The following ZNF721 variants were observed in gnomAD, a reference collection of about 807,000 sequenced individuals.
The protein encoded by ZNF721 is zinc finger protein 721.
ZNF721 carries 2 observed loss-of-function variants against 2.4 expected under a neutral mutation model. That is an observed-to-expected ratio of 0.82 (90% CI 0.34 to 2.58). The LOEUF (loss-of-function observed/expected upper bound fraction) is 2.58, where lower values mean the gene tolerates loss of function less well. ZNF721 is among the 30% of genes most tolerant of loss of function. The pLI is 0.11. For missense variants in ZNF721, 1,187 were observed against 1,085.5 expected (o/e 1.09, Z -1.31); for synonymous variants, 398 against 381.8 (o/e 1.04, Z -0.50).
intron 1 of ZNF721, among the ~76,000 whole-genome samples, chr4:472,936 G>C (rs1285843612): frequency 1.3e-5 from 2 of 152,010 alleles, no homozygotes; most frequent in East Asian, 1.9e-4. Flanking sequence ...CCAAAACCAA[G>C]CAGAGTAGGC....
At chr4:485,609 T>A (rs75465824) in intron 1 of ZNF721, among the ~76,000 whole-genome samples, 5,768 of 152,326 alleles carry the variant, frequency 0.038, 179 homozygotes, top group Non-Finnish European at 0.054. Context: ...GATGTTGGTT[T>A]ACAGCAGACA....
At chr4:477,665 G>C (rs1464837823) in intron 1 of ZNF721, among the ~76,000 whole-genome samples, 1 of 152,028 alleles carries the variant, frequency 6.6e-6, no homozygotes, top group Non-Finnish European at 1.5e-5. Context: ...TTTAAAATGA[G>C]CAGAAAAAAG....
Position 495,861 on chromosome 4 carries a change from C to T in ZNF721, c.-94+3195G>A, listed in dbSNP as rs553881783. Among the ~76,000 whole-genome samples, 5 of 152,218 alleles carry T rather than the reference C, an allele frequency of 3.3e-5. No homozygotes were observed. In the South Asian group the frequency reaches 1.0e-3, roughly 32 times the overall value. ...TCATGATCTGCCCACCTCGGCCTCCCAAAATGCTGGGATTACAGGCGTGAG... is the reference window on the plus strand; with the variant it reads ...TCATGATCTGCCCACCTCGGCCTCCTAAAATGCTGGGATTACAGGCGTGAG... On this transcript the variant is annotated intron_variant, in intron 1 of 2. Transcript: ENST00000511833.
chr4:499,015 C>A, intron 1 of ZNF721, 41 bp downstream of exon 1: 1 of 391,576 alleles, frequency 2.6e-6, no homozygotes, highest in Non-Finnish European at 4.6e-6. Context: ...TGAGCCACTG[C>A]ACCCTGCCTT....
At chr4:489,039 C>T (rs1553871045) in intron 1 of ZNF721, among the ~76,000 whole-genome samples, 2 of 152,090 alleles carry the variant, frequency 1.3e-5, no homozygotes, top group African/African-American at 2.4e-5. Context: ...AAGGGACTGT[C>T]GCAACTTAGG....
Position 444,275 on chromosome 4 carries a change from T to C in ZNF721, c.192A>G (p.Gly64=), listed in dbSNP as rs782140635. The C allele has an allele frequency of 6.2e-7, 1 of 1,613,994 alleles. No individual in the cohort carries two copies. The highest frequency in any genetic ancestry group is 2.2e-5 in the East Asian group (1 of 44,866). ...KSMNVCKVQK[G]VYNGINKCLS... ...AGCATTTATTAATTCCATTATAAAC[T>C]CCCTTCTGCACTTTACACACGTTCA... Residue 64 remains glycine (G), a synonymous_variant, in exon 3 of 3, where the codon GGA becomes GGG. Coordinates refer to ENST00000511833, the MANE Select transcript of ZNF721 (RefSeq NM_133474.4).
At chr4:481,812 C>A (rs1421031201) in intron 1 of ZNF721, among the ~76,000 whole-genome samples, 16 of 152,194 alleles carry the variant, frequency 1.1e-4, no homozygotes. Context: ...AGACAAACAC[C>A]CAGAATCTGT....
At chr4:496,456 T>C (rs1231160792) in intron 1 of ZNF721, among the ~76,000 whole-genome samples, 1 of 152,138 alleles carries the variant, frequency 6.6e-6, no homozygotes, top group Non-Finnish European at 1.5e-5. Context: ...CTGCATGTCT[T>C]AGGCAGCATT....
chr4:442,821 C>A lies in ZNF721; in HGVS notation c.1646G>T (p.Arg549Ile). 3 of 1,613,706 alleles carry A rather than the reference C, an allele frequency of 1.9e-6. No individual in the cohort carries two copies. The highest frequency in any genetic ancestry group is 1.7e-4 in the Middle Eastern group (1 of 6,058). ...RQSAILYVHR[R>I]IHTGEKPYTC... ...GTAGGGTTTCTCTCCAGTATGAATT[C>A]TCCTATGTACATAAAGGATTGCGGA... Residue 549 changes from arginine to isoleucine, a missense_variant, in exon 3 of 3, where the codon AGA becomes ATA. Arg to Ile is a moderately conservative substitution (Grantham distance 97). Coordinates refer to ENST00000511833, the MANE Select transcript of ZNF721 (RefSeq NM_133474.4).
In ZNF721 at chr4:441,658, A is replaced by G; in HGVS notation, c.*37T>C. 1 of 1,512,190 alleles carries G rather than the reference A, an allele frequency of 6.6e-7. No homozygotes were observed. The highest frequency in any genetic ancestry group is 1.3e-5 in the South Asian group (1 of 79,358). 93.7% of individuals were successfully genotyped at this position (1,512,190 alleles called of 1,614,324 possible). Reference sequence around the variant, plus strand: ...TGGTATGAGTTCTCTTATGTTTAAGAATGCTGTAGTATGACTTAAAGGCTT... The same window carrying G: ...TGGTATGAGTTCTCTTATGTTTAAGGATGCTGTAGTATGACTTAAAGGCTT... On this transcript the variant is annotated 3_prime_UTR_variant, in exon 3 of 3. Coordinates refer to ENST00000511833, the MANE Select transcript of ZNF721 (RefSeq NM_133474.4).
At position 443,145 on chromosome 4, in the gene ZNF721, C is replaced by A. The variant is rs1714329905; in HGVS notation, c.1322G>T (p.Gly441Val). 1 of 1,613,816 alleles carries A rather than the reference C, an allele frequency of 6.2e-7. No individual in the cohort carries two copies. The highest frequency in any genetic ancestry group is 8.5e-7 in the Non-Finnish European group (1 of 1,179,866). ...NLNEYKKIHT[G>V]DKPYKCKECG... is the part of the protein sequence containing the mutation. ...TTCTTTACATTTGTAGGGTTTATCTCCAGTATGAATTTTCTTATATTCATT... is the reference window on the plus strand; with the variant it reads ...TTCTTTACATTTGTAGGGTTTATCTACAGTATGAATTTTCTTATATTCATT... The change falls in exon 3 of 3, where the codon GGA becomes GTA. Residue 441 changes from glycine to valine, a missense_variant. By Grantham distance (109) the Gly-to-Val change is moderately radical. Coordinates refer to ENST00000511833, the MANE Select transcript of ZNF721 (RefSeq NM_133474.4).
chr4:464,241 C>A (rs939857012), intron 2 of ZNF721, among the ~76,000 whole-genome samples: 3 of 152,016 alleles, frequency 2.0e-5, no homozygotes, highest in Non-Finnish European at 2.9e-5. Context: ...GAGGCCAAGG[C>A]GGGTGTATCA....
At chr4:455,224 T>C (rs1714809467) in intron 2 of ZNF721, among the ~76,000 whole-genome samples, 1 of 152,208 alleles carries the variant, frequency 6.6e-6, no homozygotes, top group African/African-American at 2.4e-5. Flanking sequence ...ATATTGTGTG[T>C]GTGTCTTTCC....
At chr4:468,816 A>G (rs1715339254) in intron 2 of ZNF721, among the ~76,000 whole-genome samples, 1 of 152,244 alleles carries the variant, frequency 6.6e-6, no homozygotes, top group Admixed American at 6.5e-5. Context: ...ATACAGACAC[A>G]GGGCTGCTTC....
chr4:474,954 CG>C (rs1326268246), intron 1 of ZNF721, among the ~76,000 whole-genome samples: 2 of 151,858 alleles, frequency 1.3e-5, no homozygotes, highest in African/African-American at 4.8e-5. Context: ...TTTGGGAGGC[CG>C]GGGCGGGTGG....
chr4:471,182 AATC>A (rs1715421519), intron 2 of ZNF721, among the ~76,000 whole-genome samples: 1 of 152,160 alleles, frequency 6.6e-6, no homozygotes, highest in African/African-American at 2.4e-5. Context: ...AAATTGATAA[AATC>A]ATCATAAAAA....
chr4:465,849 T>C (rs956617135), intron 2 of ZNF721, among the ~76,000 whole-genome samples: 6 of 149,808 alleles, frequency 4.0e-5, no homozygotes, highest in East Asian at 3.9e-4. Context: ...CATATAACAA[T>C]AGAAACAAAA....
intron 1 of ZNF721, among the ~76,000 whole-genome samples, chr4:489,099 TATA>T (rs533732047): frequency 1.3e-5 from 2 of 152,312 alleles, no homozygotes; most frequent in Non-Finnish European, 2.9e-5. Context: ...CCCAGCTCCT[TATA>T]ATGTTACTGA....
At chr4:480,376 C>T (rs77946840) in intron 1 of ZNF721, among the ~76,000 whole-genome samples, 3,107 of 152,294 alleles carry the variant, frequency 0.02, 105 homozygotes, top group African/African-American at 0.068. Context: ...TATGCTGACT[C>T]TTAAGTACTT....
Sources: gnomAD v4.1 joint callset for allele counts (sites outside exome capture counted in the v4.1 genomes callset) on GRCh38, gnomAD v4.1.1 for gene constraint, MANE v1.5 for transcripts, NCBI Gene and HGNC (gene_info 2026-07-23, HGNC 2026-07-21) for gene names.